Variants in CSGALNACT1 observed in about 807,000 individuals in gnomAD.
The protein encoded by CSGALNACT1 is beta4GalNAcT-1.
In CSGALNACT1, 52 loss-of-function variants were observed where a neutral mutation model predicts 51.0. The ratio of observed to expected loss-of-function variants is 1.02; its 90% CI spans 0.82 to 1.29. CSGALNACT1 has a LOEUF of 1.29. Ranked by LOEUF, CSGALNACT1 falls within the 50% of genes most tolerant of loss-of-function variation. CSGALNACT1 has a pLI of 0.00. For synonymous variants in CSGALNACT1, 341 were observed against 254.4 expected (o/e 1.34, Z -3.24); for missense variants, 935 against 679.2 (o/e 1.38, Z -4.19).
At chr8:19,656,860 G>C (rs1415877524) in intron 1 of CSGALNACT1, among the ~76,000 whole-genome samples, 1 of 152,070 alleles carries the variant, frequency 6.6e-6, no homozygotes, top group Admixed American at 6.5e-5. Context: ...AAGGTCAGGA[G>C]TTCCAGACCA....
chr8:19,533,574 T>G (rs1334639433), intron 3 of CSGALNACT1, among the ~76,000 whole-genome samples: 2 of 152,220 alleles, frequency 1.3e-5, no homozygotes, highest in African/African-American at 4.8e-5. Flanking sequence ...CACTAGAGTT[T>G]AACCTTTCTA....
intron 1 of CSGALNACT1, among the ~76,000 whole-genome samples, chr8:19,610,010 G>A (rs755176751): frequency 1.3e-5 from 2 of 152,018 alleles, no homozygotes; most frequent in African/African-American, 4.8e-5. Flanking sequence ...CACGAGGTCA[G>A]GAGTTCAAGA....
chr8:19,740,256 C>G (rs555516241), intron 1 of CSGALNACT1, among the ~76,000 whole-genome samples: 1 of 152,274 alleles, frequency 6.6e-6, no homozygotes, highest in Admixed American at 6.5e-5. Flanking sequence ...AGGCCCTATC[C>G]CAGCTGCTCC....
intron 6 of CSGALNACT1, among the ~76,000 whole-genome samples, chr8:19,431,496 T>C (rs527384771): frequency 5.7e-4 from 86 of 152,212 alleles, no homozygotes; most frequent in Non-Finnish European, 1.1e-3. Flanking sequence ...CAAACTTGCA[T>C]TCCTGAAAAA....
intron 4 of CSGALNACT1, among the ~76,000 whole-genome samples, chr8:19,479,704 C>T (rs1292084125): frequency 6.6e-6 from 1 of 151,228 alleles, no homozygotes; most frequent in Non-Finnish European, 1.5e-5. Flanking sequence ...CATTAAGTTC[C>T]TTCAGAAGCT....
At chr8:19,488,370 CAT>C (rs56988602) in intron 4 of CSGALNACT1, among the ~76,000 whole-genome samples, 3,941 of 112,866 alleles carry the variant, frequency 0.035, 47 homozygotes, top group East Asian at 0.075. Flanking sequence ...TTTATATATA[CAT>C]ATATATATAT....
chr8:19,505,476 A>T (rs1484618641), exon 4 of CSGALNACT1: 1 of 1,614,166 alleles, frequency 6.2e-7, no homozygotes, highest in East Asian at 2.2e-5. Flanking sequence ...GAAGGCCAGG[A>T]GGTCGGCCTG....
chr8:19,493,267 T>C (rs2074766461), intron 4 of CSGALNACT1, among the ~76,000 whole-genome samples: 1 of 152,322 alleles, frequency 6.6e-6, no homozygotes, highest in East Asian at 1.9e-4. Context: ...TAAAGCCTTT[T>C]CATTAGTCTC....
chr8:19,488,137 G>A (rs930613564), intron 4 of CSGALNACT1, among the ~76,000 whole-genome samples: 1 of 151,812 alleles, frequency 6.6e-6, no homozygotes, highest in Non-Finnish European at 1.5e-5. Context: ...ATCACCTAAG[G>A]TCAGGAGCTC....
chr8:19,408,468 C>CA (rs1371843028), intron 9 of CSGALNACT1, 145 bp downstream of exon 8: 7 of 469,682 alleles, frequency 1.5e-5, no homozygotes, highest in Non-Finnish European at 3.6e-6. Flanking sequence ...TCTGGAATAG[C>CA]TTTTTTTTTT....
intron 6 of CSGALNACT1, among the ~76,000 whole-genome samples, chr8:19,429,389 C>T (rs867387654): frequency 2.0e-5 from 3 of 152,086 alleles, no homozygotes; most frequent in Non-Finnish European, 4.4e-5. Flanking sequence ...GTTGGCCAGG[C>T]TGGTCTCAAA....
At chr8:19,666,772 A>AAAGAAAGAAAGAAAG (rs2059215649) in intron 1 of CSGALNACT1, among the ~76,000 whole-genome samples, 1 of 60,670 alleles carries the variant, frequency 1.6e-5, no homozygotes, top group East Asian at 4.4e-4. Context: ...AGAAAGAAAG[A>AAAGAAAGAAAGAAAG]AAGAAAGAAA....
intron 7 of CSGALNACT1, among the ~76,000 whole-genome samples, chr8:19,419,190 C>T (rs1479794711): frequency 1.3e-5 from 2 of 152,116 alleles, no homozygotes; most frequent in Non-Finnish European, 2.9e-5. Flanking sequence ...TAAAATGGGT[C>T]TTAGAAGTGC....
chr8:19,505,136 G>C (rs936062349), intron 4 of CSGALNACT1, 65 bp downstream of exon 3: 2 of 1,593,186 alleles, frequency 1.3e-6, no homozygotes, highest in African/African-American at 1.3e-5. Context: ...GCTGGAACCT[G>C]CCTGGGTGCC....
At chr8:19,503,537 T>C (rs1256893809) in intron 4 of CSGALNACT1, among the ~76,000 whole-genome samples, 1 of 152,156 alleles carries the variant, frequency 6.6e-6, no homozygotes, top group Non-Finnish European at 1.5e-5. Context: ...GGCAGCTCTA[T>C]GTAGCACACC....
intron 1 of CSGALNACT1, among the ~76,000 whole-genome samples, chr8:19,617,946 C>T (rs1178687733): frequency 6.6e-6 from 1 of 152,038 alleles, no homozygotes; most frequent in Non-Finnish European, 1.5e-5. Flanking sequence ...GTGGTGTGAT[C>T]ATAGTTCACT....
In CSGALNACT1 at chr8:19,557,565, G is replaced by C. The variant is rs150747258; in HGVS notation, c.-297+33595C>G. Among the ~76,000 whole-genome samples the C allele has an allele frequency of 1.5e-3, 226 of 152,206 alleles. 3 individuals carry two copies. The highest frequency in any genetic ancestry group is 0.013 in the East Asian group (65 of 5,168). ...TATTCGTTGTTTTGGGGACACACCA[G>C]CATTTGTACTTTCTCTTTTTCTGGG... On this transcript the variant is annotated intron_variant, in intron 3 of 9. Transcript: ENST00000454498.
chr8:19,756,692 G>A (rs1201038431), intron 1 of CSGALNACT1, among the ~76,000 whole-genome samples: 1 of 151,986 alleles, frequency 6.6e-6, no homozygotes, highest in African/African-American at 2.4e-5. Flanking sequence ...CCCGGTCCCG[G>A]GCAGGCGAGC....
chr8:19,486,647 A>G (rs1357303110), intron 4 of CSGALNACT1, among the ~76,000 whole-genome samples: 2 of 152,062 alleles, frequency 1.3e-5, no homozygotes, highest in African/African-American at 4.8e-5. Context: ...TTCTGCTCCA[A>G]TATCACCTAC....
Sources: allele counts gnomAD v4.1 joint callset (sites outside exome capture counted in the v4.1 genomes callset), GRCh38; gene constraint gnomAD v4.1.1; transcripts MANE v1.5; gene names NCBI Gene and HGNC (gene_info 2026-07-23, HGNC 2026-07-21).